Variants in PTDSS1 observed in about 807,000 individuals in gnomAD.
PTDSS1 encodes the protein PSS-1.
In PTDSS1, 45 loss-of-function variants were observed where a neutral mutation model predicts 70.5. The ratio of observed to expected loss-of-function variants is 0.64; its 90% confidence interval spans 0.50 to 0.82. The LOEUF (loss-of-function observed/expected upper bound fraction) is 0.82. Ranked by LOEUF, PTDSS1 falls within the 40% of genes least tolerant of loss-of-function variation. PTDSS1 has a pLI of 0.00. For missense variants in PTDSS1, 417 were observed against 586.1 expected (o/e 0.71, Z 2.98); for synonymous variants, 188 against 203.8 (o/e 0.92, Z 0.66).
intron 1 of PTDSS1, 128 bp from the exon 2 acceptor site, chr8:96,273,171 A>G: frequency 3.2e-6 from 2 of 634,074 alleles, no homozygotes; most frequent in South Asian, 2.1e-5. Context: ...CTCTTATTTC[A>G]GAACCTATGT....
intron 8 of PTDSS1, 142 bp from the exon 9 acceptor site, chr8:96,309,415 C>T (rs904228882): frequency 1.6e-6 from 1 of 612,650 alleles, no homozygotes; most frequent in Non-Finnish European, 2.9e-6. Flanking sequence ...CACTGGCTTT[C>T]TCTTCTCTTG....
At chr8:96,272,072 G>C (rs1468480773) in intron 1 of PTDSS1, among the ~76,000 whole-genome samples, 1 of 151,936 alleles carries the variant, frequency 6.6e-6, no homozygotes, top group Admixed American at 6.6e-5. Flanking sequence ...GTGTTAATTT[G>C]TTCTTCCTGT....
At chr8:96,291,096 G>C (rs961950167) in intron 4 of PTDSS1, among the ~76,000 whole-genome samples, 1 of 151,918 alleles carries the variant, frequency 6.6e-6, no homozygotes, top group Non-Finnish European at 1.5e-5. Context: ...GCAGTCTTTG[G>C]CTAATTAATG....
At chr8:96,319,013 A>G (rs939892450) in intron 9 of PTDSS1, among the ~76,000 whole-genome samples, 2 of 146,138 alleles carry the variant, frequency 1.4e-5, no homozygotes, top group African/African-American at 5.0e-5. Context: ...TCTCAGGCTC[A>G]AGTGATTCTC....
intron 2 of PTDSS1, 50 bp downstream of exon 2, chr8:96,273,440 G>GT: frequency 3.6e-6 from 5 of 1,401,424 alleles, no homozygotes; most frequent in East Asian, 2.3e-5. Flanking sequence ...TGCCTTTCTG[G>GT]TTTTTTTGAG....
At chr8:96,288,494 T>G (rs1810854852) in intron 4 of PTDSS1, among the ~76,000 whole-genome samples, 1 of 151,910 alleles carries the variant, frequency 6.6e-6, no homozygotes, top group Admixed American at 6.6e-5. Context: ...CCGGCTAACT[T>G]TTGTATTTTT....
intron 11 of PTDSS1, 109 bp downstream of exon 11, chr8:96,330,390 T>C (rs571778991): frequency 2.1e-5 from 22 of 1,071,848 alleles, no homozygotes; most frequent in African/African-American, 3.1e-5. Flanking sequence ...AACACTGAGG[T>C]TGGGGCCTCC....
rs139046700 is a variant in PTDSS1 at position 96,320,053 on chromosome 8, A to C, written c.1074-193A>C. ...CGGTCTGGGAAGAAGGAAGAGGTGA[A>C]AAATACTTTATTATTTCCGAAGTAA... On this transcript the variant is annotated intron_variant, in intron 9 of 12. Transcript: ENST00000517309. 2.4e-3 allele frequency among the ~76,000 whole-genome samples: 366 copies of C among 152,328 alleles called. 1 individual carries two copies. The highest frequency in any genetic ancestry group is 8.5e-3 in the African/African-American group (353 of 41,560).
intron 2 of PTDSS1, among the ~76,000 whole-genome samples, chr8:96,277,494 C>A (rs1400532948): frequency 6.6e-6 from 1 of 152,226 alleles, no homozygotes; most frequent in Non-Finnish European, 1.5e-5. Flanking sequence ...TTTCCATTCT[C>A]CCCACCCTTG....
intron 4 of PTDSS1, among the ~76,000 whole-genome samples, chr8:96,294,439 A>G (rs887157112): frequency 6.6e-6 from 1 of 152,244 alleles, no homozygotes; most frequent in Non-Finnish European, 1.5e-5. Context: ...AGAAATACGT[A>G]TAATCAAAAA....
At chr8:96,328,123 A>T (rs1295922652) in intron 10 of PTDSS1, among the ~76,000 whole-genome samples, 1 of 152,040 alleles carries the variant, frequency 6.6e-6, no homozygotes, top group Non-Finnish European at 1.5e-5. Flanking sequence ...ACTGCCTGTC[A>T]TATTGGGCCT....
intron 9 of PTDSS1, among the ~76,000 whole-genome samples, chr8:96,316,228 T>C (rs1005791376): frequency 2.0e-5 from 3 of 152,168 alleles, no homozygotes; most frequent in Non-Finnish European, 4.4e-5. Context: ...GCTTCTGCTC[T>C]TGTCTTCTCA....
At chr8:96,274,705 C>T (rs1810615946) in intron 2 of PTDSS1, among the ~76,000 whole-genome samples, 1 of 152,118 alleles carries the variant, frequency 6.6e-6, no homozygotes, top group South Asian at 2.1e-4. Context: ...AGCCTGGGAA[C>T]AAGAGTGAAA....
intron 9 of PTDSS1, among the ~76,000 whole-genome samples, chr8:96,317,489 C>G (rs755948908): frequency 4.6e-5 from 7 of 152,288 alleles, no homozygotes; most frequent in Non-Finnish European, 7.4e-5. Context: ...AATCCTAGCA[C>G]TTTGGGAAGC....
intron 7 of PTDSS1, among the ~76,000 whole-genome samples, chr8:96,306,010 A>G (rs895241726): frequency 6.6e-6 from 1 of 152,216 alleles, no homozygotes; most frequent in Non-Finnish European, 1.5e-5. Flanking sequence ...TAAAGAGCTT[A>G]CTTATCTACA....
chr8:96,301,341 C>T (rs760313693), intron 6 of PTDSS1, among the ~76,000 whole-genome samples: 13 of 152,024 alleles, frequency 8.6e-5, no homozygotes, highest in East Asian at 1.9e-4. Flanking sequence ...GGTGATCACC[C>T]GCCTCAGCAT....
intron 8 of PTDSS1, 120 bp from the exon 9 acceptor site, chr8:96,309,437 A>G: frequency 1.3e-6 from 1 of 793,896 alleles, no homozygotes; most frequent in Non-Finnish European, 2.1e-6. Context: ...ACAGAACTAG[A>G]CCAGGCAGCC....
Position 96,299,681 on chromosome 8 carries a change from T to A in PTDSS1, c.601-13T>A. 6.3e-7 allele frequency: 1 copy of A among 1,599,480 alleles called. No individual in the cohort carries two copies. Among genetic ancestry groups the A allele is most frequent in the African/African-American group, 1.4e-5 (1 of 73,940 alleles). The stretch of plus-strand genomic sequence containing the variant: ...TGTTTATTTTTCCAACCATGGGCTC[T>A]TGTGTTTCTCAGCTCTTCTTCATGC... On this transcript the variant is annotated splice_polypyrimidine_tract_variant and intron_variant, in intron 5 of 12. Coordinates refer to ENST00000517309, the MANE Select transcript of PTDSS1 (RefSeq NM_014754.3).
Position 96,304,082 on chromosome 8 carries a change from G to C in PTDSS1, c.795G>C (p.Leu265=). 6.2e-7 allele frequency: 1 copy of C among 1,613,606 alleles called. No homozygotes were observed. Among genetic ancestry groups the C allele is most frequent in the Non-Finnish European group, 8.5e-7 (1 of 1,179,696 alleles). ...CCGGGAAGATCAAGAGAGCTGTTCTGCAGTTCACTCCTGCTAGCTGGACCT... is the reference window on the plus strand; with the variant it reads ...CCGGGAAGATCAAGAGAGCTGTTCTCCAGTTCACTCCTGCTAGCTGGACCT... ...TTTGKIKRAV[L]QFTPASWTYV... is the part of the protein sequence containing the mutation. The change falls in exon 7 of 13, where the codon CTG becomes CTC. Residue 265 remains leucine, a synonymous_variant. Transcript: ENST00000517309.
Sources: allele counts gnomAD v4.1 joint callset (sites outside exome capture counted in the v4.1 genomes callset), GRCh38; gene constraint gnomAD v4.1.1; transcripts MANE v1.5; gene names NCBI Gene and HGNC (gene_info 2026-07-23, HGNC 2026-07-21).